Variants in PYGL observed in about 807,000 individuals in gnomAD.
PYGL encodes glycogen phosphorylase, liver form.
In PYGL, 90 loss-of-function variants were observed where a neutral mutation model predicts 100.1. That is an observed-to-expected ratio of 0.90 (90% CI 0.76 to 1.07). The LOEUF (loss-of-function observed/expected upper bound fraction) is 1.07. Ranked by LOEUF, PYGL falls within the 50% of genes least tolerant of loss-of-function variation. The pLI, the probability that PYGL is intolerant of heterozygous loss-of-function variation, is 0.00. For synonymous variants in PYGL, 373 were observed against 393.0 expected, an observed-to-expected ratio of 0.95 and a Z score of 0.60; for missense variants, 1,016 against 1,057.6, an observed-to-expected ratio of 0.96 and a Z score of 0.55.
rs558745916 is a variant in PYGL, at chr14:50,909,843, C to T, written c.2177+52G>A. The T allele has an allele frequency of 2.5e-6, 4 of 1,598,656 alleles. No homozygotes were observed. In the African/African-American group the frequency reaches 5.4e-5, roughly 21 times the overall value. On this transcript the variant is annotated intron_variant, in intron 17 of 19. Transcript: ENST00000216392. ...CAGGAAGCCCTCTGAGGTCACATAC[C>T]TTCTAGGGGGGAGGGGCAGTCCTGC...
intron 19 of PYGL, among the ~76,000 whole-genome samples, chr14:50,906,471 G>T (rs895318041): frequency 3.3e-5 from 5 of 152,066 alleles, no homozygotes; most frequent in African/African-American, 1.2e-4. Flanking sequence ...CAGTCATATG[G>T]GTCATGTTTA....
Position 50,944,225 on chromosome 14 carries a change from A to G in PYGL, c.179T>C (p.Val60Ala). 1 of 1,613,102 alleles carries G rather than the reference A, an allele frequency of 6.2e-7. No homozygotes were observed. Among genetic ancestry groups the G allele is most frequent in the Non-Finnish European group, 8.5e-7 (1 of 1,179,874 alleles). The change falls in exon 1 of 20, where the codon GTG becomes GCG. Residue 60 changes from valine (V) to alanine (A), a missense_variant. Physicochemically the swap from Val to Ala is moderately conservative, Grantham distance 64. Transcript: ENST00000216392. ...RDYYFALAHT[V>A]RDHLVGRWIR... is the part of the protein sequence containing the mutation. ...CCAGCGCCCCACCAGGTGGTCGCGC[A>G]CCGTGTGCGCCAGCGCGAAGTAGTA...
intron 1 of PYGL, among the ~76,000 whole-genome samples, chr14:50,939,328 G>A (rs1322988181): frequency 1.3e-5 from 2 of 152,156 alleles, no homozygotes; most frequent in Non-Finnish European, 2.9e-5. Flanking sequence ...TGAGCCAAGC[G>A]CCCGGCCTAC....
chr14:50,920,935 C>T lies in PYGL; in HGVS notation c.772+21G>A, dbSNP rs367673611. On this transcript the variant is annotated intron_variant, in intron 6 of 19. Coordinates refer to ENST00000216392, the MANE Select transcript of PYGL (RefSeq NM_002863.5). ...AGATTAAGCACACGCATAAAGAAAC[C>T]AAGGCCTGTGCTGTACTCACAGTCT... is the stretch of plus-strand genomic sequence containing the variant. 21 of 1,588,886 alleles carry T rather than the reference C, an allele frequency of 1.3e-5. No individual in the cohort carries two copies. The East Asian group carries it at 4.5e-4, about 34-fold the overall frequency.
chr14:50,908,917 A>G lies in PYGL; in HGVS notation c.2216T>C (p.Leu739Pro). 3 of 1,579,798 alleles carry G rather than the reference A, an allele frequency of 1.9e-6. No individual in the cohort carries two copies. Among genetic ancestry groups the G allele is most frequent in the Non-Finnish European group, 2.6e-6 (3 of 1,155,350 alleles). ...AKEYYEALPE[L>P]KLVIDQIDNG... is the part of the protein sequence containing the mutation. ...GTCAATTTGATCAATGACCAGCTTC[A>G]GCTCTGGAAGTGCCTCATAGTATTC... The change falls in exon 18 of 20, where the codon CTG (leucine) becomes CCG (proline). Residue 739 changes from leucine (L) to proline (P), a missense_variant. By Grantham distance (98) the Leu-to-Pro change is moderately conservative (BLOSUM62 -3). Transcript: ENST00000216392.
rs1490364891 is a variant in PYGL at position 50,921,008 on chromosome 14, G to A, written c.720C>T (p.Asn240=). 3.7e-6 allele frequency: 6 copies of A among 1,614,250 alleles called. No individual in the cohort carries two copies. Among genetic ancestry groups the A allele is most frequent in the Non-Finnish European group, 5.1e-6 (6 of 1,180,040 alleles). ...PVPGYMNNTV[N]TMRLWSARAP... is the part of the protein sequence containing the mutation. ...CCCGAGCAGACCAGAGGCGCATGGTGTTGACAGTGTTATTCATGTAGCCGG... is the reference window on the plus strand; with the variant it reads ...CCCGAGCAGACCAGAGGCGCATGGTATTGACAGTGTTATTCATGTAGCCGG... The change falls in exon 6 of 20, where the codon AAC becomes AAT. Residue 240 remains asparagine (N), a synonymous_variant. Transcript: ENST00000216392.
intron 4 of PYGL, among the ~76,000 whole-genome samples, chr14:50,924,945 T>C (rs1384695042): frequency 6.6e-6 from 1 of 152,244 alleles, no homozygotes; most frequent in Non-Finnish European, 1.5e-5. Context: ...TGGAGGGGGA[T>C]GTATTTTTAA....
intron 7 of PYGL, among the ~76,000 whole-genome samples, chr14:50,918,540 C>T (rs929783434): frequency 6.6e-6 from 1 of 152,192 alleles, no homozygotes; most frequent in Non-Finnish European, 1.5e-5. Context: ...TTGGATGAAG[C>T]TGGAAGCTAT....
chr14:50,908,135 TGTTG>T, intron 19 of PYGL, 132 bp downstream of exon 19: 8 of 678,954 alleles, frequency 1.2e-5, no homozygotes, highest in South Asian at 7.7e-5. Context: ...TGTTTGTTTT[TGTTG>T]TTTTTTTTTT....
At position 50,944,248 on chromosome 14, in the gene PYGL, G is replaced by A. The variant is rs1392406217; in HGVS notation, c.156C>T (p.Tyr52=). The change falls in exon 1 of 20, where the codon TAC becomes TAT. Residue 52 remains tyrosine, a synonymous_variant. Coordinates refer to ENST00000216392, the MANE Select transcript of PYGL (RefSeq NM_002863.5). ...KDRNVATTRD[Y]YFALAHTVRD... is the part of the protein sequence containing the mutation. ...GCACCGTGTGCGCCAGCGCGAAGTA[G>A]TAGTCGCGGGTGGTGGCCACGTTGC... 6.2e-7 allele frequency: 1 copy of A among 1,613,836 alleles called. No individual in the cohort carries two copies. The highest frequency in any genetic ancestry group is 1.1e-5 in the South Asian group (1 of 91,090).
intron 19 of PYGL, among the ~76,000 whole-genome samples, chr14:50,906,958 T>C (rs566008056): frequency 6.6e-6 from 1 of 152,220 alleles, no homozygotes; most frequent in Non-Finnish European, 1.5e-5. Context: ...GAACTACCCT[T>C]TTATCTGCCT....
chr14:50,931,706 C>A lies in PYGL; in HGVS notation c.495G>T (p.Gly165=), dbSNP rs1428670162. The A allele has an allele frequency of 6.2e-7, 1 of 1,613,940 alleles. No homozygotes were observed. The highest frequency in any genetic ancestry group is 8.5e-7 in the Non-Finnish European group (1 of 1,179,900). ...AYGYGIRYEY[G]IFNQKIRDGW... ...CATCTCGGATCTTCTGATTGAAAAT[C>A]CCATATTCATACCGAATGCCGTATC... Residue 165 remains glycine (G), a synonymous_variant, in exon 4 of 20, where the codon GGG becomes GGT. Transcript: ENST00000216392.
In PYGL at chr14:50,921,073, G is replaced by A. The variant is rs764517599; in HGVS notation, c.661-6C>T. 3 of 1,599,516 alleles carry A rather than the reference G, an allele frequency of 1.9e-6. No individual in the cohort carries two copies. The highest frequency in any genetic ancestry group is 2.7e-5 in the African/African-American group (2 of 74,644). On this transcript the variant is annotated splice_region_variant and splice_polypyrimidine_tract_variant and intron_variant, in intron 5 of 19. Coordinates refer to ENST00000216392, the MANE Select transcript of PYGL (RefSeq NM_002863.5). Reference sequence around the variant, plus strand: ...TATGGCAGAGCCAGGACCACCTGTGGGATTAAACAGAAGCAGCTGCTCATT... The same window carrying A: ...TATGGCAGAGCCAGGACCACCTGTGAGATTAAACAGAAGCAGCTGCTCATT...
chr14:50,911,514 C>T (rs2050397433), intron 16 of PYGL, among the ~76,000 whole-genome samples: 1 of 152,216 alleles, frequency 6.6e-6, no homozygotes. Flanking sequence ...AGAAAATGTA[C>T]TTGCAAGTAT....
chr14:50,924,222 T>A (rs1167983575), intron 4 of PYGL, 122 bp from the exon 5 acceptor site: 1 of 1,208,414 alleles, frequency 8.3e-7, no homozygotes. Context: ...TACTGAGTAC[T>A]GTTTTGTAAC....
At position 50,942,515 on chromosome 14, in the gene PYGL, T is replaced by A. The variant is rs146251114; in HGVS notation, c.243+1646A>T. ...GGTGTACTTAGTAGCATTCCCTTTG[T>A]GTAAATAAATTTTTAAAAGATAGTG... On this transcript the variant is annotated intron_variant, in intron 1 of 19. Transcript: ENST00000216392. Among the ~76,000 whole-genome samples the A allele has an allele frequency of 5.7e-5, 8 of 140,050 alleles. 3 individuals are homozygous for A. In the East Asian group the frequency reaches 2.1e-3, roughly 36 times the overall value. The allele number at this position is 140,050 out of a possible 152,430, so 91.9% of individuals were successfully genotyped here.
chr14:50,917,017 G>A lies in PYGL; in HGVS notation c.944C>T (p.Ser315Phe), dbSNP rs747308884. 1 of 1,614,158 alleles carries A rather than the reference G, an allele frequency of 6.2e-7. No homozygotes were observed. Among genetic ancestry groups the A allele is most frequent in the Admixed American group, 1.7e-5 (1 of 60,026 alleles). The change falls in exon 8 of 20, where the codon TCC becomes TTC. Residue 315 changes from serine to phenylalanine, a missense_variant. By Grantham distance (155) the Ser-to-Phe change is radical. Transcript: ENST00000216392. ...LQDIIRRFKA[S>F]KFGSTRGAGT... The stretch of plus-strand genomic sequence containing the variant: ...TGCACCACGGGTGGAGCCAAACTTG[G>A]AGGCTTTGAAACGGCGGATGATATC...
At chr14:50,923,026 T>C (rs2050515249) in intron 5 of PYGL, among the ~76,000 whole-genome samples, 1 of 152,218 alleles carries the variant, frequency 6.6e-6, no homozygotes, top group African/African-American at 2.4e-5. Flanking sequence ...GGGTACCAGT[T>C]TGGGGTTAAT....
chr14:50,917,739 G>GTGGAGGCCT (rs998543320), intron 7 of PYGL, among the ~76,000 whole-genome samples: 1 of 152,234 alleles, frequency 6.6e-6, no homozygotes, highest in Non-Finnish European at 1.5e-5. Flanking sequence ...GGTGTGCAGG[G>GTGGAGGCCT]TGGAGGCCTT....
Sources: allele counts gnomAD v4.1 joint callset (sites outside exome capture counted in the v4.1 genomes callset), GRCh38; gene constraint gnomAD v4.1.1; transcripts MANE v1.5; gene names NCBI Gene and HGNC (gene_info 2026-07-23, HGNC 2026-07-21).